ASXL2: variants seen among roughly 807,000 people sequenced by gnomAD.
ASXL2 encodes the protein ASXL transcriptional regulator 2, also known as putative Polycomb group protein ASXL2.
In ASXL2, 23 loss-of-function variants were observed where a neutral mutation model predicts 122.0. The ratio of observed to expected loss-of-function variants is 0.19; its 90% CI spans 0.14 to 0.27. ASXL2 has a LOEUF of 0.27. Among genes scored for constraint, ASXL2 ranks in the 10% least tolerant of loss-of-function variants. ASXL2 has a pLI of 1.00. For missense variants in ASXL2, 1,518 were observed against 1,713.8 expected (o/e 0.89, Z 2.02); for synonymous variants, 650 against 637.0 (o/e 1.02, Z -0.31).
rs573073772 is a variant in ASXL2 at position 25,772,054 on chromosome 2, C to G, written c.404-514G>C. On this transcript the variant is annotated intron_variant, in intron 5 of 12. Coordinates refer to ENST00000435504, the MANE Select transcript of ASXL2 (RefSeq NM_018263.6). The stretch of plus-strand genomic sequence containing the variant: ...CGTGAGAGGGCATTTTAAGATGTCT[C>G]TAATGGAAGCAATTTGAATTTGCAT... Among the ~76,000 whole-genome samples the G allele has an allele frequency of 3.9e-5, 6 of 152,236 alleles. No individual in the cohort carries two copies. In the East Asian group the frequency reaches 1.2e-3, roughly 29 times the overall value.
At chr2:25,824,987 CCTT>C (rs1322024903) in intron 3 of ASXL2, among the ~76,000 whole-genome samples, 2 of 152,158 alleles carry the variant, frequency 1.3e-5, no homozygotes, top group African/African-American at 4.8e-5. Flanking sequence ...TGTCTATAAT[CCTT>C]CTCATTCTAA....
At chr2:25,826,749 TAG>T (rs1403889858) in intron 3 of ASXL2, among the ~76,000 whole-genome samples, 2 of 51,560 alleles carry the variant, frequency 3.9e-5, no homozygotes, top group African/African-American at 1.5e-4. Context: ...GATTAAATAA[TAG>T]ACTTTCAAGG....
rs867818693 is a variant in ASXL2 at position 25,874,744 on chromosome 2, C to T, written c.57+3422G>A. Among the ~76,000 whole-genome samples the T allele has an allele frequency of 2.0e-4, 31 of 152,278 alleles. 1 individual carries two copies. The highest frequency in any genetic ancestry group is 3.4e-3 in the Middle Eastern group (1 of 294). ...ACTAAACACTACACTATTTGTCTCT[C>T]GCTCAAATCATTCATTACCACCATC... On this transcript the variant is annotated intron_variant, in intron 1 of 12. Transcript: ENST00000435504.
chr2:25,841,344 ATAAT>A (rs1198908281), intron 2 of ASXL2, among the ~76,000 whole-genome samples: 1 of 152,150 alleles, frequency 6.6e-6, no homozygotes, highest in Non-Finnish European at 1.5e-5. Context: ...AGAATAATCT[ATAAT>A]TATATATGAA....
rs568003257 is a variant in ASXL2, at chr2:25,869,872, A to AT, written c.57+8293dup. On this transcript the variant is annotated intron_variant, in intron 1 of 12. Coordinates refer to ENST00000435504, the MANE Select transcript of ASXL2 (RefSeq NM_018263.6). ...CTGTATGTTAAATAATCAGGGACCG[A>AT]TTTTTTTTAATGATGGTATATCCAG... 4.6e-3 allele frequency among the ~76,000 whole-genome samples: 696 copies of AT among 150,996 alleles called. 7 individuals are homozygous for AT. Among genetic ancestry groups the AT allele is most frequent in the Non-Finnish European group, 7.4e-3 (503 of 67,786 alleles).
chr2:25,836,463 C>T (rs578131062), intron 2 of ASXL2, among the ~76,000 whole-genome samples: 10 of 152,142 alleles, frequency 6.6e-5, no homozygotes, highest in African/African-American at 2.2e-4. Context: ...TTGCTATATA[C>T]ACTTTTGCAT....
intron 3 of ASXL2, among the ~76,000 whole-genome samples, chr2:25,827,950 C>A (rs1176490741): frequency 2.0e-5 from 3 of 151,952 alleles, no homozygotes; most frequent in Admixed American, 2.0e-4. Flanking sequence ...AACCTTCACT[C>A]TATCATCCCA....
At chr2:25,836,249 G>A (rs970348682) in intron 2 of ASXL2, among the ~76,000 whole-genome samples, 1 of 152,144 alleles carries the variant, frequency 6.6e-6, no homozygotes, top group African/African-American at 2.4e-5. Flanking sequence ...AAGAAAAAGA[G>A]GAGGAAGATG....
intron 1 of ASXL2, among the ~76,000 whole-genome samples, chr2:25,874,831 G>C (rs2089997857): frequency 6.6e-6 from 1 of 152,032 alleles, no homozygotes; most frequent in East Asian, 1.9e-4. Context: ...TATAATATCA[G>C]CACTTTGGCA....
Position 25,743,975 on chromosome 2 carries a change from C to T in ASXL2, c.2362G>A (p.Ala788Thr), listed in dbSNP as rs953411128. 5.0e-6 allele frequency: 8 copies of T among 1,613,898 alleles called. No homozygotes were observed. Among genetic ancestry groups the T allele is most frequent in the Non-Finnish European group, 5.9e-6 (7 of 1,179,898 alleles). Reference protein sequence around the residue: ...PVPPTPAVSGACTSVPSPAHI... With the variant: ...PVPPTPAVSGTCTSVPSPAHI... Reference sequence around the variant, plus strand: ...GCTGGTGATGGGACACTTGTGCATGCTCCACTGACGGCAGGTGTTGGAGGC... The same window carrying T: ...GCTGGTGATGGGACACTTGTGCATGTTCCACTGACGGCAGGTGTTGGAGGC... Residue 788 changes from alanine (A) to threonine (T), a missense_variant, in exon 13 of 13, where the codon GCA (alanine) becomes ACA (threonine). Ala to Thr is a moderately conservative substitution (Grantham distance 58). Coordinates refer to ENST00000435504, the MANE Select transcript of ASXL2 (RefSeq NM_018263.6).
At chr2:25,755,383 C>A (rs1485892890) in intron 10 of ASXL2, among the ~76,000 whole-genome samples, 1 of 152,194 alleles carries the variant, frequency 6.6e-6, no homozygotes, top group Non-Finnish European at 1.5e-5. Context: ...ATACTATATG[C>A]AGTGCCCACA....
chr2:25,765,347 G>A (rs1159908596), intron 8 of ASXL2, among the ~76,000 whole-genome samples: 4 of 151,984 alleles, frequency 2.6e-5, no homozygotes, highest in Admixed American at 6.6e-5. Flanking sequence ...TTAGCCGGGC[G>A]TGGTGGCGGG....
At chr2:25,751,883 C>T (rs1221885952) in intron 11 of ASXL2, among the ~76,000 whole-genome samples, 2 of 151,948 alleles carry the variant, frequency 1.3e-5, no homozygotes, top group Non-Finnish European at 2.9e-5. Flanking sequence ...CAGGTTTAAA[C>T]GATTCTTCCA....
At chr2:25,861,356 A>G (rs74947129) in intron 1 of ASXL2, among the ~76,000 whole-genome samples, 1 of 152,344 alleles carries the variant, frequency 6.6e-6, no homozygotes, top group East Asian at 1.9e-4. Context: ...CACATACTTA[A>G]TAACACAGAA....
In ASXL2 at chr2:25,849,077, G is replaced by A. The variant is rs528570213; in HGVS notation, c.58-3514C>T. Among the ~76,000 whole-genome samples the A allele has an allele frequency of 2.6e-3, 81 of 31,242 alleles. 3 individuals carry two copies. The highest frequency in any genetic ancestry group is 7.4e-3 in the African/African-American group (51 of 6,918). 20.5% of individuals were successfully genotyped at this position (31,242 alleles called of 152,430 possible). A position where few individuals can be genotyped will look rare whatever the true frequency, so the allele number is the denominator to read the frequency against. ...AAAAAAAATTTACATATATATATATGGAATATTTATTTTCTTTTAAAAAAA... is the reference window on the plus strand; with the variant it reads ...AAAAAAAATTTACATATATATATATAGAATATTTATTTTCTTTTAAAAAAA... On this transcript the variant is annotated intron_variant, in intron 1 of 12. Transcript: ENST00000435504.
chr2:25,858,655 G>A (rs867354024), intron 1 of ASXL2, among the ~76,000 whole-genome samples: 4 of 150,576 alleles, frequency 2.7e-5, no homozygotes, highest in Admixed American at 1.3e-4. Context: ...CCCAGGAGGC[G>A]GAGGCTGCAG....
intron 4 of ASXL2, among the ~76,000 whole-genome samples, chr2:25,805,008 C>T (rs1304697014): frequency 1.3e-5 from 2 of 152,048 alleles, no homozygotes; most frequent in Non-Finnish European, 2.9e-5. Flanking sequence ...CAAGACTGTG[C>T]CACTGCACTC....
intron 3 of ASXL2, among the ~76,000 whole-genome samples, chr2:25,831,911 C>G (rs979580954): frequency 2.6e-5 from 4 of 152,124 alleles, no homozygotes; most frequent in Admixed American, 2.6e-4. Flanking sequence ...TCGCCTAAAA[C>G]CACATAGGCC....
In ASXL2 at chr2:25,767,667, T is replaced by G. The variant is rs771641054; in HGVS notation, c.691A>C (p.Ser231Arg). ...QTGSPQNSNS[S>R]FSSSVKVENT... Reference sequence around the variant, plus strand: ...TCCACTTTAACTGAGGAAGAAAAGCTGGAGTTTGAGTTTTGAGGGCTGCCT... The same window carrying G: ...TCCACTTTAACTGAGGAAGAAAAGCGGGAGTTTGAGTTTTGAGGGCTGCCT... The change falls in exon 8 of 13, where the codon AGC becomes CGC. Residue 231 changes from serine to arginine, a missense_variant. By Grantham distance (110) the Ser-to-Arg change is moderately radical. Around this residue, in one of 8 missense-constraint regions of ASXL2, gnomAD observed 198 missense variants for 209.0 expected, o/e 0.95. Coordinates refer to ENST00000435504, the MANE Select transcript of ASXL2 (RefSeq NM_018263.6). 3.1e-6 allele frequency: 5 copies of G among 1,613,976 alleles called. No homozygotes were observed. The South Asian group carries it at 4.4e-5, about 14-fold the overall frequency.
Sources: allele counts gnomAD v4.1 joint callset (sites outside exome capture counted in the v4.1 genomes callset), GRCh38; gene constraint gnomAD v4.1.1; regional missense constraint gnomAD v4.1.1; transcripts MANE v1.5; gene names NCBI Gene and HGNC (gene_info 2026-07-23, HGNC 2026-07-21).